Variants in CNOT6L observed in about 807,000 individuals in gnomAD.
The protein encoded by CNOT6L is CCR4-NOT transcription complex subunit 6 like, also known as CCR4-NOT transcription complex subunit 6-like.
A neutral mutation model predicts 64.0 loss-of-function variants in CNOT6L; 7 were observed. The observed-to-expected ratio is 0.11, with a 90% CI of 0.06 to 0.21. The LOEUF is 0.21. Among genes scored for constraint, CNOT6L ranks in the 10% least tolerant of loss-of-function variants. The pLI, the probability that CNOT6L is intolerant of heterozygous loss-of-function variation, is 1.00. For synonymous variants in CNOT6L, 193 were observed against 243.4 expected, an observed-to-expected ratio of 0.79 and a Z score of 1.93; for missense variants, 245 against 669.0, an observed-to-expected ratio of 0.37 and a Z score of 6.99.
intron 1 of CNOT6L, among the ~76,000 whole-genome samples, chr4:77,799,448 T>C (rs969073668): frequency 1.3e-5 from 2 of 152,096 alleles, no homozygotes; most frequent in African/African-American, 4.8e-5. Flanking sequence ...TTCACGCCTG[T>C]AATCCCAGCA....
intron 8 of CNOT6L, 71 bp downstream of exon 8, chr4:77,742,070 A>G (rs767377416): frequency 4.2e-5 from 59 of 1,421,042 alleles, no homozygotes; most frequent in Non-Finnish European, 5.5e-5. Flanking sequence ...GGGCAAAACC[A>G]AAGACAATTT....
intron 1 of CNOT6L, among the ~76,000 whole-genome samples, chr4:77,778,990 T>C: frequency 7.7e-6 from 1 of 129,878 alleles, no homozygotes; most frequent in East Asian, 2.5e-4. Flanking sequence ...GAGCCTGCAG[T>C]GGGCCGAGAT....
intron 6 of CNOT6L, 122 bp from the exon 7 acceptor site, chr4:77,744,997 A>C (rs2109954273): frequency 1.6e-6 from 1 of 637,766 alleles, no homozygotes; most frequent in Non-Finnish European, 2.4e-6. Flanking sequence ...TCATTGTAAA[A>C]TGCCTAGGCA....
intron 4 of CNOT6L, among the ~76,000 whole-genome samples, chr4:77,767,114 T>A (rs368731708): frequency 7.7e-3 from 924 of 120,546 alleles, no homozygotes; most frequent in Non-Finnish European, 8.8e-3. Flanking sequence ...TGGTTTACAA[T>A]AAAAAAAAAA....
intron 5 of CNOT6L, among the ~76,000 whole-genome samples, chr4:77,752,044 G>A (rs143463099): frequency 6.6e-6 from 1 of 152,234 alleles, no homozygotes; most frequent in East Asian, 1.9e-4. Context: ...GTGGTGACGG[G>A]AGCCTGTAGT....
At chr4:77,781,215 C>T (rs1267213034) in intron 1 of CNOT6L, among the ~76,000 whole-genome samples, 1 of 152,100 alleles carries the variant, frequency 6.6e-6, no homozygotes, top group Admixed American at 6.5e-5. Flanking sequence ...AGCATTAGGA[C>T]ACACACCTAA....
In CNOT6L at chr4:77,776,592, T is replaced by C. The variant is rs1728167050; in HGVS notation, c.6-200A>G. Among the ~76,000 whole-genome samples, 3 of 152,200 alleles carry C rather than the reference T, an allele frequency of 2.0e-5. No homozygotes were observed. The South Asian group carries it at 6.2e-4, about 31-fold the overall frequency. ...GATCTTGCAGGAACTCATTATCAGA[T>C]GCCTAAGGGAAAATGCAAATAAGCA... On this transcript the variant is annotated intron_variant, in intron 1 of 11. Coordinates refer to ENST00000504123, the MANE Select transcript of CNOT6L (RefSeq NM_144571.3).
At chr4:77,764,165 T>C (rs1726551999) in intron 4 of CNOT6L, among the ~76,000 whole-genome samples, 3 of 152,226 alleles carry the variant, frequency 2.0e-5, no homozygotes, top group Admixed American at 2.0e-4. Flanking sequence ...AGCTCCACGG[T>C]AATATGGAAT....
chr4:77,725,736 T>G (rs889092745), intron 11 of CNOT6L, among the ~76,000 whole-genome samples: 1 of 151,920 alleles, frequency 6.6e-6, no homozygotes, highest in Admixed American at 6.6e-5. Flanking sequence ...AGAAAGAAAA[T>G]CTTGAGAAAA....
chr4:77,734,684 C>T (rs1018137904), intron 8 of CNOT6L, among the ~76,000 whole-genome samples: 1 of 152,000 alleles, frequency 6.6e-6, no homozygotes, highest in African/African-American at 2.4e-5. Context: ...TTCACCTATT[C>T]GGATATTAAG....
At chr4:77,764,390 T>C (rs2110026179) in intron 4 of CNOT6L, among the ~76,000 whole-genome samples, 1 of 152,314 alleles carries the variant, frequency 6.6e-6, no homozygotes, top group Middle Eastern at 3.4e-3. Context: ...GTATGTCCCA[T>C]TTAAAAAGAG....
At chr4:77,772,981 A>T in intron 4 of CNOT6L, 100 bp downstream of exon 4, 1 of 685,338 alleles carries the variant, frequency 1.5e-6, no homozygotes. Context: ...AAGTACACGT[A>T]GTCACATTCT....
chr4:77,776,721 C>T (rs574973323), intron 1 of CNOT6L, among the ~76,000 whole-genome samples: 1 of 152,314 alleles, frequency 6.6e-6, no homozygotes, highest in East Asian at 1.9e-4. Flanking sequence ...TGGACTCTGA[C>T]TAGTCTAAGA....
rs1219502422 is a variant in CNOT6L, at chr4:77,718,700, C to T, written c.*1731G>A. ...CACCACCCTCGTCCCACTAAAATTA[C>T]CCTCTGGGGAAATATTACCTTATAT... On this transcript the variant is annotated 3_prime_UTR_variant, in exon 12 of 12. Coordinates refer to ENST00000504123, the MANE Select transcript of CNOT6L (RefSeq NM_144571.3). 1 of 152,468 alleles carries T rather than the reference C, an allele frequency of 6.6e-6. No homozygotes were observed. Among genetic ancestry groups the T allele is most frequent in the African/African-American group, 2.4e-5 (1 of 41,394 alleles). The allele number at this position is 152,468 out of a possible 1,614,324, so 9.4% of individuals were successfully genotyped here.
At chr4:77,744,584 T>C (rs1723990554) in intron 7 of CNOT6L, 134 bp downstream of exon 7, 2 of 730,290 alleles carry the variant, frequency 2.7e-6, no homozygotes, top group Non-Finnish European at 2.1e-6. Flanking sequence ...AATTGTCCAT[T>C]ATTTTTAAGA....
intron 3 of CNOT6L, among the ~76,000 whole-genome samples, chr4:77,773,951 C>G (rs942379670): frequency 6.6e-6 from 1 of 151,986 alleles, no homozygotes; most frequent in Non-Finnish European, 1.5e-5. Context: ...TAGTGAAGAA[C>G]AAGATTTTAA....
At chr4:77,811,990 T>C (rs1422300070) in intron 1 of CNOT6L, among the ~76,000 whole-genome samples, 1 of 152,164 alleles carries the variant, frequency 6.6e-6, no homozygotes, top group African/African-American at 2.4e-5. Context: ...TGACTTCTCT[T>C]GACATTTCTT....
chr4:77,744,661 C>A, intron 7 of CNOT6L, 57 bp downstream of exon 7: 1 of 1,458,888 alleles, frequency 6.9e-7, no homozygotes, highest in Non-Finnish European at 9.2e-7. Flanking sequence ...GTCAGATCTT[C>A]TCTTATGTTT....
intron 1 of CNOT6L, among the ~76,000 whole-genome samples, chr4:77,787,532 A>G (rs998704988): frequency 1.3e-5 from 2 of 152,188 alleles, no homozygotes; most frequent in Non-Finnish European, 2.9e-5. Flanking sequence ...ATGTCATTAC[A>G]CTTACCCCCA....
Sources: allele counts gnomAD v4.1 joint callset (sites outside exome capture counted in the v4.1 genomes callset), GRCh38; gene constraint gnomAD v4.1.1; transcripts MANE v1.5; gene names NCBI Gene and HGNC (gene_info 2026-07-23, HGNC 2026-07-21).